Variants in PCDHA2 observed in about 807,000 individuals in gnomAD.
PCDHA2 encodes the protein protocadherin alpha-2.
Under a neutral mutation model 66.0 loss-of-function variants are expected in PCDHA2, and 58 were observed. The ratio of observed to expected loss-of-function variants is 0.88; its 90% CI spans 0.71 to 1.09. The LOEUF is 1.09. PCDHA2 is among the 50% of genes least tolerant of loss of function. The pLI is 0.00. For missense variants in PCDHA2, 1,267 were observed against 1,242.3 expected (o/e 1.02, Z -0.30); for synonymous variants, 634 against 554.0 (o/e 1.14, Z -2.03).
intron 1 of PCDHA2, chr5:140,848,752 T>C (rs2040584005): frequency 1.3e-6 from 2 of 1,593,188 alleles, no homozygotes; most frequent in Non-Finnish European, 1.7e-6. Context: ...ATTTTGTTTG[T>C]GAATTCTCGG....
At chr5:140,903,076 C>T (rs1479702171) in intron 1 of PCDHA2, among the ~76,000 whole-genome samples, 1 of 152,122 alleles carries the variant, frequency 6.6e-6, no homozygotes, top group Admixed American at 6.5e-5. Flanking sequence ...GGGTAGATAC[C>T]TGATAGTGGC....
In PCDHA2 at chr5:140,879,424, A is replaced by T. The variant is rs181418893; in HGVS notation, c.2388+82072A>T. Reference sequence around the variant, plus strand: ...GTATTTGAGCAGGTAGGGAATGGAGATGAACATTTAAGAAAATGTTACTTT... The same window carrying T: ...GTATTTGAGCAGGTAGGGAATGGAGTTGAACATTTAAGAAAATGTTACTTT... On this transcript the variant is annotated intron_variant, in intron 1 of 3. Coordinates refer to ENST00000526136, the MANE Select transcript of PCDHA2 (RefSeq NM_018905.3). Among the ~76,000 whole-genome samples, 1,178 of 152,344 alleles carry T rather than the reference A, an allele frequency of 7.7e-3. 4 individuals carry two copies. The highest frequency in any genetic ancestry group is 0.013 in the Admixed American group (206 of 15,298).
At chr5:140,898,706 G>T (rs1554188200) in intron 1 of PCDHA2, among the ~76,000 whole-genome samples, 1 of 152,170 alleles carries the variant, frequency 6.6e-6, no homozygotes, top group Admixed American at 6.5e-5. Context: ...CTTTAAAGTA[G>T]TTTTTTCCAA....
Position 141,009,798 on chromosome 5 carries a change from A to G in PCDHA2, c.2708A>G (p.Asn903Ser). Residue 903 changes from asparagine (N) to serine (S), a missense_variant, in exon 4 of 4, where the codon AAC (asparagine) becomes AGC (serine). Physicochemically the swap from Asn to Ser is conservative, Grantham distance 46. Transcript: ENST00000526136. ...AIISIRQEPT[N>S]SQIDKSDFIT... The stretch of plus-strand genomic sequence containing the variant: ...ATCTCCATCCGGCAGGAGCCTACTA[A>G]CAGCCAAATTGACAAAAGTGACTTC... 2 of 1,614,116 alleles carry G rather than the reference A, an allele frequency of 1.2e-6. No homozygotes were observed. Among genetic ancestry groups the G allele is most frequent in the Non-Finnish European group, 1.7e-6 (2 of 1,180,014 alleles).
chr5:140,846,941 G>T (rs1422705277), intron 1 of PCDHA2, among the ~76,000 whole-genome samples: 2 of 149,652 alleles, frequency 1.3e-5, no homozygotes, highest in Admixed American at 1.3e-4. Flanking sequence ...AGAAATACTT[G>T]AAGGGGCATG....
chr5:140,834,530 G>C, intron 1 of PCDHA2: 1 of 1,614,068 alleles, frequency 6.2e-7, no homozygotes, highest in East Asian at 2.2e-5. Context: ...GCCGCATCGC[G>C]CAGGACCTGG....
At chr5:140,905,035 G>C (rs1554191907) in intron 1 of PCDHA2, among the ~76,000 whole-genome samples, 1 of 152,136 alleles carries the variant, frequency 6.6e-6, no homozygotes. Flanking sequence ...AAGCTTTTTA[G>C]TTTAATTAGG....
At chr5:140,890,784 T>C (rs2062805881) in intron 1 of PCDHA2, among the ~76,000 whole-genome samples, 1 of 152,212 alleles carries the variant, frequency 6.6e-6, no homozygotes, top group South Asian at 2.1e-4. Flanking sequence ...CCATAAGATA[T>C]TAGTATTATT....
intron 1 of PCDHA2, chr5:140,801,243 C>G (rs782420859): frequency 4.5e-5 from 72 of 1,613,236 alleles, no homozygotes; most frequent in Non-Finnish European, 6.0e-5. Context: ...GTGCCTGCTG[C>G]TTTCTCTTCT....
chr5:140,869,564 T>A, intron 1 of PCDHA2: 2 of 1,614,176 alleles, frequency 1.2e-6, no homozygotes, highest in South Asian at 2.2e-5. Context: ...CGTTTTCCAC[T>A]AGAGGGAGCT....
At chr5:140,927,610 A>C in intron 1 of PCDHA2, 2 of 1,614,162 alleles carry the variant, frequency 1.2e-6, no homozygotes, top group Non-Finnish European at 1.7e-6. Flanking sequence ...CGTATACCGC[A>C]CCAAGGTTCC....
intron 1 of PCDHA2, chr5:140,966,476 C>T (rs1326063829): frequency 1.8e-5 from 8 of 432,854 alleles, no homozygotes; most frequent in Non-Finnish European, 2.8e-5. Flanking sequence ...CTTCTGTTTC[C>T]TTTTCCCTCC....
intron 1 of PCDHA2, among the ~76,000 whole-genome samples, chr5:140,935,339 A>G (rs1048024159): frequency 1.3e-5 from 2 of 152,180 alleles, no homozygotes; most frequent in Admixed American, 6.5e-5. Context: ...TTTCTCCCAT[A>G]CGTCAAATCC....
chr5:140,971,718 G>A (rs1554233569), intron 1 of PCDHA2, among the ~76,000 whole-genome samples: 3 of 151,796 alleles, frequency 2.0e-5, no homozygotes, highest in Non-Finnish European at 2.9e-5. Flanking sequence ...ATAGATATAT[G>A]TATATCATAC....
intron 3 of PCDHA2, among the ~76,000 whole-genome samples, chr5:140,988,281 A>G (rs2097291171): frequency 2.0e-5 from 3 of 152,202 alleles, no homozygotes; most frequent in Admixed American, 2.0e-4. Context: ...GTCACCTGCC[A>G]TCTGACAGCC....
intron 1 of PCDHA2, among the ~76,000 whole-genome samples, chr5:140,938,177 C>A (rs1165477047): frequency 6.6e-6 from 1 of 152,110 alleles, no homozygotes; most frequent in African/African-American, 2.4e-5. Flanking sequence ...AGCTCCTGGG[C>A]TCAAGCAATC....
chr5:140,879,125 A>C (rs1251255000), intron 1 of PCDHA2, among the ~76,000 whole-genome samples: 2 of 152,244 alleles, frequency 1.3e-5, no homozygotes, highest in African/African-American at 2.4e-5. Flanking sequence ...GGATTAGAGC[A>C]GGGGAGATTG....
intron 1 of PCDHA2, among the ~76,000 whole-genome samples, chr5:140,878,982 T>C (rs1484097371): frequency 2.0e-5 from 3 of 152,206 alleles, no homozygotes; most frequent in African/African-American, 4.8e-5. Flanking sequence ...CCCTCTATCT[T>C]AGAAATGAGA....
intron 1 of PCDHA2, among the ~76,000 whole-genome samples, chr5:140,941,241 T>TTCTTTCTTTCTTTCTTTCTC (rs1585048929): frequency 7.1e-6 from 1 of 140,568 alleles, no homozygotes; most frequent in East Asian, 2.0e-4. Context: ...CTTTCTTTCT[T>TTCTTTCTTTCTTTCTTTCTC]TCTTTCTTTC....
Sources: gnomAD v4.1 joint callset for allele counts (sites outside exome capture counted in the v4.1 genomes callset) on GRCh38, gnomAD v4.1.1 for gene constraint, MANE v1.5 for transcripts, NCBI Gene and HGNC (gene_info 2026-07-23, HGNC 2026-07-21) for gene names.